Variants in CYP4F22 observed in about 807,000 individuals in gnomAD.
CYP4F22 encodes the protein ultra-long-chain fatty acid omega-hydroxylase.
A neutral mutation model predicts 60.4 loss-of-function variants in CYP4F22; 37 were observed. The ratio of observed to expected loss-of-function variants is 0.61; its 90% CI spans 0.47 to 0.81. The LOEUF (loss-of-function observed/expected upper bound fraction) is 0.81. CYP4F22 is among the 30% of genes least tolerant of loss of function. CYP4F22 has a pLI of 0.00. For missense variants in CYP4F22, 655 were observed against 715.0 expected (o/e 0.92, Z 0.96); for synonymous variants, 258 against 280.5 (o/e 0.92, Z 0.80).
At chr19:15,534,021 A>G (rs1333388129) in intron 4 of CYP4F22, among the ~76,000 whole-genome samples, 2 of 152,190 alleles carry the variant, frequency 1.3e-5, no homozygotes, top group African/African-American at 4.8e-5. Flanking sequence ...TTAAGGAGCC[A>G]CCTTGCTGTT....
At chr19:15,511,858 A>G (rs944359983) in intron 1 of CYP4F22, among the ~76,000 whole-genome samples, 2 of 152,230 alleles carry the variant, frequency 1.3e-5, no homozygotes, top group African/African-American at 4.8e-5. Context: ...GGCTGGGCCA[A>G]CCTGACAAAC....
rs58142709 is a variant in CYP4F22, at chr19:15,540,645, G to A, written c.867G>A (p.Gln289=). 11 of 1,613,954 alleles carry A rather than the reference G, an allele frequency of 6.8e-6. No individual in the cohort carries two copies. Among genetic ancestry groups the A allele is most frequent in the African/African-American group, 1.3e-5 (1 of 74,972 alleles). ...IQERRRALRQ[Q]GAEAWLKAKQ... The stretch of plus-strand genomic sequence containing the variant: ...AACGGCGGCGGGCACTGCGTCAGCA[G>A]GGGGCCGAGGCCTGGCTTAAGGCCA... The change falls in exon 8 of 14, where the codon CAG becomes CAA. Residue 289 remains glutamine, a synonymous_variant. Transcript: ENST00000269703.
intron 1 of CYP4F22, chr19:15,516,824 G>A (rs1971160570): frequency 5.7e-6 from 2 of 348,832 alleles, no homozygotes; most frequent in Admixed American, 1.0e-4. Flanking sequence ...GTGGCCTGAA[G>A]AGATGTTATT....
intron 12 of CYP4F22, among the ~76,000 whole-genome samples, chr19:15,549,971 C>G (rs919061800): frequency 2.0e-5 from 3 of 152,114 alleles, no homozygotes; most frequent in African/African-American, 7.2e-5. Context: ...GTTGCCCAAG[C>G]TGGAGCGTGT....
At chr19:15,538,145 C>A (rs1971421066) in intron 7 of CYP4F22, 152 bp downstream of exon 7, 6 of 1,034,970 alleles carry the variant, frequency 5.8e-6, no homozygotes, top group South Asian at 4.4e-5. Context: ...GACCATCTCT[C>A]TGAGCTTCAC....
intron 3 of CYP4F22, among the ~76,000 whole-genome samples, chr19:15,527,794 G>A (rs1159610601): frequency 1.3e-5 from 2 of 152,240 alleles, no homozygotes; most frequent in Non-Finnish European, 2.9e-5. Context: ...CTCCTTTGTA[G>A]CTGAGCTCTT....
chr19:15,535,147 C>T (rs1040340791), intron 4 of CYP4F22, among the ~76,000 whole-genome samples: 1 of 152,144 alleles, frequency 6.6e-6, no homozygotes, highest in African/African-American at 2.4e-5. Flanking sequence ...TCAATGCTGC[C>T]TCCTCCAGGA....
intron 1 of CYP4F22, among the ~76,000 whole-genome samples, chr19:15,515,650 C>G (rs555610825): frequency 6.6e-6 from 1 of 151,904 alleles, no homozygotes; most frequent in Admixed American, 6.6e-5. Flanking sequence ...TGCTGGAACC[C>G]GGGAGGCAAA....
intron 8 of CYP4F22, among the ~76,000 whole-genome samples, chr19:15,543,175 T>C (rs1465720440): frequency 2.6e-5 from 4 of 152,178 alleles, no homozygotes; most frequent in Non-Finnish European, 5.9e-5. Context: ...CCATCAACCT[T>C]GTAAAAGCGT....
At chr19:15,541,207 C>A (rs1971458487) in intron 8 of CYP4F22, among the ~76,000 whole-genome samples, 1 of 152,222 alleles carries the variant, frequency 6.6e-6, no homozygotes. Context: ...GTACCACAAA[C>A]TAAATGGCCT....
chr19:15,528,497 A>G (rs1189284260), intron 3 of CYP4F22, among the ~76,000 whole-genome samples: 2 of 152,022 alleles, frequency 1.3e-5, no homozygotes, highest in African/African-American at 4.8e-5. Context: ...CTGCCCTCCA[A>G]AGCTCCCCAG....
chr19:15,550,726 T>C lies in CYP4F22; in HGVS notation c.1388T>C (p.Leu463Pro). 6.2e-7 allele frequency: 1 copy of C among 1,614,216 alleles called. No homozygotes were observed. ...DPDNPQQRSP[L>P]AYVPFSAGPR... ...GACAACCCACAGCAGCGCTCTCCAC[T>C]GGCCTATGTGCCCTTCTCTGCAGGA... Residue 463 changes from leucine to proline, a missense_variant, in exon 13 of 14, where the codon CTG (leucine) becomes CCG (proline). Leu to Pro is a moderately conservative substitution (Grantham distance 98, BLOSUM62 -3). Transcript: ENST00000269703.
intron 1 of CYP4F22, among the ~76,000 whole-genome samples, chr19:15,511,380 G>A (rs1971090469): frequency 1.3e-5 from 2 of 152,118 alleles, no homozygotes; most frequent in East Asian, 3.9e-4. Flanking sequence ...GATCACTCAA[G>A]CCCAGGACGG....
Position 15,537,649 on chromosome 19 carries a change from C to T in CYP4F22, c.536C>T (p.Ala179Val), listed in dbSNP as rs780816103. ...KPYMKIFNQS[A>V]DIMHAKWRHL... ...TACATGAAGATCTTCAACCAGAGCG[C>T]TGACATTATGCATGTGAGTCCTAAG... The change falls in exon 6 of 14, where the codon GCT becomes GTT. Residue 179 changes from alanine to valine, a missense_variant. Physicochemically the swap from Ala to Val is moderately conservative, Grantham distance 64. Around this residue, in one of 3 missense-constraint regions of CYP4F22, gnomAD observed 430 missense variants for 457.1 expected, o/e 0.94. Coordinates refer to ENST00000269703, the MANE Select transcript of CYP4F22 (RefSeq NM_173483.4). 6.2e-7 allele frequency: 1 copy of T among 1,613,204 alleles called. No homozygotes were observed. The highest frequency in any genetic ancestry group is 1.7e-5 in the Admixed American group (1 of 60,012).
rs191007044 is a variant in CYP4F22, at chr19:15,532,571, G to A, written c.367+2718G>A. 5.1e-3 allele frequency among the ~76,000 whole-genome samples: 776 copies of A among 151,602 alleles called. 4 individuals are homozygous for A. Among genetic ancestry groups the A allele is most frequent in the Non-Finnish European group, 7.8e-3 (529 of 67,886 alleles). Reference sequence around the variant, plus strand: ...TGTATTTTTTTTTTTCAGTAGAGACGGGGCTGCACCATATTGGCCAGGCTG... The same window carrying A: ...TGTATTTTTTTTTTTCAGTAGAGACAGGGCTGCACCATATTGGCCAGGCTG... On this transcript the variant is annotated intron_variant, in intron 4 of 13. Transcript: ENST00000269703.
chr19:15,524,387 T>C (rs1300010686), intron 2 of CYP4F22, among the ~76,000 whole-genome samples: 1 of 152,150 alleles, frequency 6.6e-6, no homozygotes, highest in African/African-American at 2.4e-5. Context: ...AGGTAGCTCA[T>C]GCGTGTAATC....
At chr19:15,513,375 T>C (rs1192400552) in intron 1 of CYP4F22, among the ~76,000 whole-genome samples, 1 of 139,312 alleles carries the variant, frequency 7.2e-6, no homozygotes, top group South Asian at 2.3e-4. Flanking sequence ...TTTTTTTTTT[T>C]TTTTTTTGAG....
intron 6 of CYP4F22, 37 bp from the exon 7 acceptor site, chr19:15,537,835 G>A: frequency 6.2e-7 from 1 of 1,612,758 alleles, no homozygotes; most frequent in Non-Finnish European, 8.5e-7. Flanking sequence ...CCCTCTCTGT[G>A]GTTTCCATGC....
chr19:15,518,610 C>G (rs1294872046), intron 1 of CYP4F22, among the ~76,000 whole-genome samples: 3 of 129,974 alleles, frequency 2.3e-5, no homozygotes, highest in African/African-American at 9.1e-5. Context: ...GATCGCGCCA[C>G]TGCACTCCAG....
Sources: gnomAD v4.1 joint callset for allele counts (sites outside exome capture counted in the v4.1 genomes callset) on GRCh38, gnomAD v4.1.1 for gene constraint, gnomAD v4.1.1 regional missense constraint, MANE v1.5 for transcripts, NCBI Gene and HGNC (gene_info 2026-07-23, HGNC 2026-07-21) for gene names.